Variants in TP63 observed in about 807,000 individuals in gnomAD.
TP63 encodes the protein tumor protein p63.
A neutral mutation model predicts 82.8 loss-of-function variants in TP63; 17 were observed. The ratio of observed to expected loss-of-function variants is 0.21; its 90% CI spans 0.14 to 0.31. The LOEUF is 0.31. Among genes scored for constraint, TP63 ranks in the 10% least tolerant of loss-of-function variants. The pLI, the probability that TP63 is intolerant of heterozygous loss-of-function variation, is 1.00. For missense variants in TP63, 648 were observed against 895.3 expected (o/e 0.72, Z 3.52); for synonymous variants, 330 against 321.7 (o/e 1.03, Z -0.28).
chr3:189,770,954 A>G (rs1171253060), intron 3 of TP63, among the ~76,000 whole-genome samples: 3 of 152,076 alleles, frequency 2.0e-5, no homozygotes, highest in African/African-American at 7.2e-5. Flanking sequence ...CTACAGTTTA[A>G]AAAGTCATTT....
Position 189,897,039 on chromosome 3 carries a change from AT to A in TP63, c.*2544del, listed in dbSNP as rs201395656. ...GTGGGATATTGAATGTTAAAGGGAT[AT>A]TTTTTTCTATTATTTTTATAATTGT... is the stretch of plus-strand genomic sequence containing the variant. On this transcript the variant is annotated 3_prime_UTR_variant, in exon 14 of 14. Coordinates refer to ENST00000264731, the MANE Select transcript of TP63 (RefSeq NM_003722.5). 0.057 allele frequency: 12,841 copies of A among 225,622 alleles called. 493 individuals carry two copies. Among genetic ancestry groups the A allele is most frequent in the Middle Eastern group, 0.12 (92 of 750 alleles). 14.0% of individuals were successfully genotyped at this position (225,622 alleles called of 1,614,324 possible). A position where few individuals can be genotyped will look rare whatever the true frequency, so the allele number is the denominator to read the frequency against.
chr3:189,892,620 G>A (rs930467310), intron 13 of TP63, among the ~76,000 whole-genome samples: 1 of 151,944 alleles, frequency 6.6e-6, no homozygotes, highest in African/African-American at 2.4e-5. Flanking sequence ...GTGAAACCCT[G>A]TCTCTACTAA....
At chr3:189,818,595 A>T (rs1728450499) in intron 4 of TP63, among the ~76,000 whole-genome samples, 1 of 152,134 alleles carries the variant, frequency 6.6e-6, no homozygotes, top group Non-Finnish European at 1.5e-5. Flanking sequence ...ATTAGAATGG[A>T]TACTTGTATA....
At chr3:189,870,884 G>A (rs1046057380) in intron 9 of TP63, among the ~76,000 whole-genome samples, 2 of 152,084 alleles carry the variant, frequency 1.3e-5, no homozygotes, top group African/African-American at 2.4e-5. Context: ...GAAAGTCAAC[G>A]GATTTAGGTG....
intron 3 of TP63, among the ~76,000 whole-genome samples, chr3:189,753,521 T>G (rs1450598911): frequency 1.3e-5 from 2 of 152,002 alleles, no homozygotes; most frequent in Non-Finnish European, 2.9e-5. Context: ...TCCTTTTACT[T>G]TTAACCTACT....
In TP63 at chr3:189,804,710, A is replaced by C. The variant is rs534101747; in HGVS notation, c.325-3562A>C. On this transcript the variant is annotated intron_variant, in intron 3 of 13. Coordinates refer to ENST00000264731, the MANE Select transcript of TP63 (RefSeq NM_003722.5). ...TTTAATAAACTAAGAAAATATGTAA[A>C]TGGATTTCCAGTCATTCAGTTCTGA... Among the ~76,000 whole-genome samples the C allele has an allele frequency of 7.9e-5, 12 of 152,346 alleles. No homozygotes were observed. The East Asian group carries it at 1.7e-3, about 22-fold the overall frequency.
intron 1 of TP63, among the ~76,000 whole-genome samples, chr3:189,682,552 AAATATATATATATATATATATAT>A (rs1318882106): frequency 0.15 from 3,481 of 24,000 alleles, 152 homozygotes; most frequent in Admixed American, 0.24. Context: ...AAAAAAAAAA[AAATATATATATATATATATATAT>A]ATATATATAT....
intron 1 of TP63, among the ~76,000 whole-genome samples, chr3:189,662,176 T>C (rs1381880276): frequency 7.2e-5 from 11 of 152,194 alleles, no homozygotes; most frequent in African/African-American, 1.9e-4. Flanking sequence ...TTTGAGGTCT[T>C]TCTAACTTTT....
At chr3:189,840,361 T>TTTTTTTTTTTTTTTTTTTTTTTTTC (rs1713859839) in intron 4 of TP63, among the ~76,000 whole-genome samples, 1 of 37,678 alleles carries the variant, frequency 2.7e-5, no homozygotes, top group African/African-American at 6.8e-5. Flanking sequence ...CTTTTCGTCT[T>TTTTTTTTTTTTTTTTTTTTTTTTTC]TTTTTTTTTT....
At chr3:189,775,220 C>CAAAA (rs56288032) in intron 3 of TP63, among the ~76,000 whole-genome samples, 29 of 92,992 alleles carry the variant, frequency 3.1e-4, no homozygotes, top group Non-Finnish European at 3.5e-4. Flanking sequence ...AACTCTGTCT[C>CAAAA]AAAAAAAAAA....
intron 1 of TP63, among the ~76,000 whole-genome samples, chr3:189,678,776 T>C (rs182673453): frequency 2.0e-5 from 3 of 152,122 alleles, no homozygotes; most frequent in Admixed American, 2.0e-4. Context: ...ATTAAACACA[T>C]TTCATTTGTC....
intron 1 of TP63, among the ~76,000 whole-genome samples, chr3:189,637,088 GAC>G (rs35703123): frequency 4.0e-5 from 6 of 150,770 alleles, no homozygotes; most frequent in African/African-American, 4.9e-5. Context: ...TGCACTGCAG[GAC>G]ACACACACAC....
At chr3:189,845,139 G>A (rs1560249721) in intron 4 of TP63, among the ~76,000 whole-genome samples, 1 of 152,212 alleles carries the variant, frequency 6.6e-6, no homozygotes. Context: ...TAACGGAATT[G>A]TTCTGAGAGC....
intron 1 of TP63, among the ~76,000 whole-genome samples, chr3:189,724,133 C>T (rs1001760881): frequency 6.6e-6 from 1 of 151,074 alleles, no homozygotes; most frequent in African/African-American, 2.4e-5. Context: ...TTATACTAAC[C>T]CTTTCAGGCT....
intron 3 of TP63, among the ~76,000 whole-genome samples, chr3:189,803,233 G>T (rs1726506186): frequency 6.6e-6 from 1 of 152,192 alleles, no homozygotes; most frequent in Non-Finnish European, 1.5e-5. Context: ...GGGAGGCAGA[G>T]GTTGTGGTGA....
intron 1 of TP63, among the ~76,000 whole-genome samples, chr3:189,652,007 G>A (rs568437019): frequency 6.8e-6 from 1 of 147,164 alleles, no homozygotes; most frequent in South Asian, 2.2e-4. Context: ...GGATGTCCGA[G>A]CAGAAGTTTG....
intron 3 of TP63, among the ~76,000 whole-genome samples, chr3:189,779,912 G>T (rs1039478322): frequency 6.6e-6 from 1 of 152,128 alleles, no homozygotes; most frequent in Non-Finnish European, 1.5e-5. Flanking sequence ...ATTGGGCATC[G>T]CCCTTGCTCT....
At chr3:189,613,721 G>GA in the TP63 span, among the ~76,000 whole-genome samples, 1 of 152,176 alleles carries the variant, frequency 6.6e-6, no homozygotes, top group Non-Finnish European at 1.5e-5. Context: ...CACAGGGGTG[G>GA]AGCTGCCCAA....
the TP63 span, among the ~76,000 whole-genome samples, chr3:189,614,612 C>A: frequency 6.6e-6 from 1 of 152,184 alleles, no homozygotes; most frequent in Non-Finnish European, 1.5e-5. Context: ...AATATGTGTA[C>A]ACACACATTT....
Sources: gnomAD v4.1 joint callset for allele counts (sites outside exome capture counted in the v4.1 genomes callset) on GRCh38, gnomAD v4.1.1 for gene constraint, MANE v1.5 for transcripts, NCBI Gene and HGNC (gene_info 2026-07-23, HGNC 2026-07-21) for gene names.